Variants in ZBTB45 observed in about 807,000 individuals in gnomAD.
ZBTB45 encodes the protein zinc finger and BTB domain containing 45, also known as zinc finger and BTB domain-containing protein 45.
In ZBTB45, 22 loss-of-function variants were observed where a neutral mutation model predicts 28.4. The ratio of observed to expected loss-of-function variants is 0.77; its 90% CI spans 0.55 to 1.10. The LOEUF is 1.10. Ranked by LOEUF, ZBTB45 falls within the 50% of genes least tolerant of loss-of-function variation. The pLI is 0.00. For synonymous variants in ZBTB45, 361 were observed against 332.3 expected, an observed-to-expected ratio of 1.09 and a Z score of -0.94; for missense variants, 656 against 750.2, an observed-to-expected ratio of 0.87 and a Z score of 1.47.
At chr19:58,534,705 C>T (rs920252489) in intron 1 of ZBTB45, among the ~76,000 whole-genome samples, 12 of 151,738 alleles carry the variant, frequency 7.9e-5, no homozygotes, top group East Asian at 1.9e-4. Context: ...TACAGGTGCC[C>T]GCCACCACGC....
At chr19:58,536,630 G>A (rs2053661830) in intron 1 of ZBTB45, among the ~76,000 whole-genome samples, 3 of 152,008 alleles carry the variant, frequency 2.0e-5, no homozygotes, top group Admixed American at 1.3e-4. Context: ...GTGACAGAAC[G>A]AGACTCCATC....
At chr19:58,532,719 T>C (rs773042949) in intron 1 of ZBTB45, among the ~76,000 whole-genome samples, 9 of 151,794 alleles carry the variant, frequency 5.9e-5, no homozygotes, top group Non-Finnish European at 1.2e-4. Flanking sequence ...GCTCATTGTT[T>C]GTGTTTTTAC....
intron 1 of ZBTB45, among the ~76,000 whole-genome samples, chr19:58,535,625 C>T (rs1453172639): frequency 6.6e-6 from 1 of 152,126 alleles, no homozygotes; most frequent in East Asian, 1.9e-4. Context: ...GCCTTGGCCT[C>T]TCAAAGTGCT....
chr19:58,523,775 A>G (rs1568648603), upstream of ZBTB45, among the ~76,000 whole-genome samples: 1 of 133,392 alleles, frequency 7.5e-6, no homozygotes, highest in Non-Finnish European at 1.6e-5. Flanking sequence ...GGTTCACGTC[A>G]TTCTCCTGCC....
chr19:58,531,462 G>A (rs1327212586), intron 1 of ZBTB45, among the ~76,000 whole-genome samples: 1 of 152,134 alleles, frequency 6.6e-6, no homozygotes, highest in Non-Finnish European at 1.5e-5. Context: ...CACCCTCCAT[G>A]TACCTCATAA....
upstream of ZBTB45, among the ~76,000 whole-genome samples, chr19:58,523,255 CGTGGTGGCGTCT>C (rs201451538): frequency 0.025 from 3,825 of 152,080 alleles, 68 homozygotes; most frequent in Non-Finnish European, 0.041. Flanking sequence ...CAAGGCTGGG[CGTGGTGGCGTCT>C]GTGGTGGCGT....
chr19:58,517,269 G>A lies in ZBTB45; in HGVS notation c.405C>T (p.Pro135=). 3 of 1,586,100 alleles carry A rather than the reference G, an allele frequency of 1.9e-6. No homozygotes were observed. Among genetic ancestry groups the A allele is most frequent in the Non-Finnish European group, 2.6e-6 (3 of 1,169,274 alleles). The change falls in exon 2 of 3, where the codon CCC becomes CCT. Residue 135 remains proline (P), a synonymous_variant. Coordinates refer to ENST00000594051, the MANE Select transcript of ZBTB45 (RefSeq NM_001316979.2). ...GTGGCGGGGGCACAGGGGTGGGCAG[G>A]GGCGTGGGCGCAGAGGTGCCCGGGG... ...ARAPGTSAPT[P]LPTPVPPPLA...
At chr19:58,532,713 A>G (rs1163409712) in intron 1 of ZBTB45, among the ~76,000 whole-genome samples, 1 of 150,816 alleles carries the variant, frequency 6.6e-6, no homozygotes, top group Non-Finnish European at 1.5e-5. Flanking sequence ...TGCCCAGCTC[A>G]TTGTTTGTGT....
chr19:58,529,084 C>CGAAAAAAAAAAAA (rs2053622832), intron 1 of ZBTB45, among the ~76,000 whole-genome samples: 1 of 61,446 alleles, frequency 1.6e-5, no homozygotes, highest in African/African-American at 6.2e-5. Flanking sequence ...AACTCCATCT[C>CGAAAAAAAAAAAA]AAAAAAAAAA....
At chr19:58,538,406 AG>A (rs1465334481) in intron 1 of ZBTB45, among the ~76,000 whole-genome samples, 20 of 142,870 alleles carry the variant, frequency 1.4e-4, no homozygotes, top group African/African-American at 4.8e-4. Flanking sequence ...GGTGGGCTGG[AG>A]GGGGCGGGCC....
Position 58,530,209 on chromosome 19 carries a change from G to GCACACACA in ZBTB45, c.-1+8484_-1+8491dup, listed in dbSNP as rs111340524. Reference sequence around the variant, plus strand: ...CAGAGACCTTGCCATGAGAGCGCATGCACACACACACACACACACACACAC... The same window carrying GCACACACA: ...CAGAGACCTTGCCATGAGAGCGCATGCACACACACACACACACACACACACACACACAC... On this transcript the variant is annotated intron_variant, in intron 1 of 1. Transcript: ENST00000600130. 5.8e-3 allele frequency among the ~76,000 whole-genome samples: 864 copies of GCACACACA among 148,586 alleles called. 3 individuals are homozygous for GCACACACA. Among genetic ancestry groups the GCACACACA allele is most frequent in the African/African-American group, 0.011 (441 of 40,488 alleles).
At chr19:58,530,154 T>C (rs1192332933) in intron 1 of ZBTB45, among the ~76,000 whole-genome samples, 1 of 151,722 alleles carries the variant, frequency 6.6e-6, no homozygotes, top group African/African-American at 2.4e-5. Context: ...CAGTGAGCCA[T>C]GATGGCACCA....
chr19:58,517,322 A>G lies in ZBTB45; in HGVS notation c.352T>C (p.Cys118Arg). 1.2e-6 allele frequency: 2 copies of G among 1,609,514 alleles called. No homozygotes were observed. Among genetic ancestry groups the G allele is most frequent in the Non-Finnish European group, 1.7e-6 (2 of 1,179,448 alleles). Residue 118 changes from cysteine (C) to arginine (R), a missense_variant, in exon 2 of 3, where the codon TGC becomes CGC. Physicochemically the swap from Cys to Arg is radical, Grantham distance 180. Around this residue, in one of 3 missense-constraint regions of ZBTB45, gnomAD observed 448 missense variants for 444.3 expected, o/e 1.01. Coordinates refer to ENST00000594051, the MANE Select transcript of ZBTB45 (RefSeq NM_001316979.2). ...VLRIQTVIDE[C>R]TQIIARARAP... is the part of the protein sequence containing the mutation. ...CGAGCGCGGGCGATAATCTGCGTGCATTCGTCGATAACTGTCTGTATGCGA... is the reference window on the plus strand; with the variant it reads ...CGAGCGCGGGCGATAATCTGCGTGCGTTCGTCGATAACTGTCTGTATGCGA...
rs1034691367 is a variant in ZBTB45, at chr19:58,513,700, G to A, written c.*354C>T. Reference sequence around the variant, plus strand: ...CAGCCTGACCCTGGGGCAGGCAAGCGGCCCCCCAGCCCCCACCACCACCCC... The same window carrying A: ...CAGCCTGACCCTGGGGCAGGCAAGCAGCCCCCCAGCCCCCACCACCACCCC... On this transcript the variant is annotated 3_prime_UTR_variant, in exon 3 of 3. Transcript: ENST00000594051. The A allele has an allele frequency of 8.3e-6, 2 of 242,116 alleles. No individual in the cohort carries two copies. The highest frequency in any genetic ancestry group is 1.6e-5 in the Non-Finnish European group (2 of 126,774). The allele number at this position is 242,116 out of a possible 1,614,324, so 15.0% of individuals were successfully genotyped here.
At chr19:58,517,728 C>G in intron 1 of ZBTB45, 55 bp from the exon 2 acceptor site, 3 of 1,523,974 alleles carry the variant, frequency 2.0e-6, no homozygotes, top group Non-Finnish European at 2.7e-6. Context: ...CCCATCTGTC[C>G]CAACGTCCCT....
At chr19:58,533,906 T>C (rs182051705) in intron 1 of ZBTB45, among the ~76,000 whole-genome samples, 3 of 152,210 alleles carry the variant, frequency 2.0e-5, no homozygotes, top group African/African-American at 4.8e-5. Flanking sequence ...ATTCATACAA[T>C]TGACCCTACA....
Position 58,513,766 on chromosome 19 carries a change from G to C in ZBTB45, c.*288C>G. The C allele has an allele frequency of 8.7e-6, 3 of 346,236 alleles. No homozygotes were observed. The highest frequency in any genetic ancestry group is 5.2e-6 in the Non-Finnish European group (1 of 193,746). 21.4% of individuals were successfully genotyped at this position (346,236 alleles called of 1,614,324 possible). A position where few individuals can be genotyped will look rare whatever the true frequency, so the allele number is the denominator to read the frequency against. On this transcript the variant is annotated 3_prime_UTR_variant, in exon 3 of 3. Transcript: ENST00000594051. Reference sequence around the variant, plus strand: ...GAGAACCGGAGTCAAATCTTGGGCCGGGTCCAAGCGCCTGAGCGCCCGGTT... The same window carrying C: ...GAGAACCGGAGTCAAATCTTGGGCCCGGTCCAAGCGCCTGAGCGCCCGGTT...
intron 1 of ZBTB45, among the ~76,000 whole-genome samples, chr19:58,527,490 A>G (rs113473247): frequency 0.02 from 3,089 of 152,248 alleles, 92 homozygotes; most frequent in African/African-American, 0.07. Flanking sequence ...TATCAGTGGA[A>G]TCACACAACA....
At chr19:58,520,228 A>G (rs1407117272), upstream of ZBTB45, 1 of 152,184 alleles carries the variant, frequency 6.6e-6, no homozygotes, top group East Asian at 1.9e-4. Context: ...CAAGCAAGCT[A>G]CCACTACTGC....
Sources: gnomAD v4.1 joint callset for allele counts (sites outside exome capture counted in the v4.1 genomes callset) on GRCh38, gnomAD v4.1.1 for gene constraint, gnomAD v4.1.1 regional missense constraint, MANE v1.5 for transcripts, NCBI Gene and HGNC (gene_info 2026-07-23, HGNC 2026-07-21) for gene names.